The following SLAMF9 variants were observed in gnomAD, a reference collection of about 807,000 sequenced individuals.
The protein encoded by SLAMF9 is SLAM family member 9.
In SLAMF9, 25 loss-of-function variants were observed where a neutral mutation model predicts 30.4. The ratio of observed to expected loss-of-function variants is 0.82; its 90% confidence interval spans 0.60 to 1.15. SLAMF9 has a LOEUF of 1.15. Ranked by LOEUF, SLAMF9 falls within the 50% of genes most tolerant of loss-of-function variation. The pLI is 0.00. For synonymous variants in SLAMF9, 129 were observed against 127.2 expected (o/e 1.01, Z -0.09); for missense variants, 344 against 346.1 (o/e 0.99, Z 0.05).
At chr1:159,954,865 G>T (rs1471120178), upstream of SLAMF9, among the ~76,000 whole-genome samples, 3 of 152,240 alleles carry the variant, frequency 2.0e-5, no homozygotes, top group Non-Finnish European at 4.4e-5. Flanking sequence ...GATCACCTGA[G>T]GTCAGGAGTT....
upstream of SLAMF9, among the ~76,000 whole-genome samples, chr1:159,955,376 A>G (rs1454496505): frequency 6.6e-6 from 1 of 152,222 alleles, no homozygotes; most frequent in Non-Finnish European, 1.5e-5. Flanking sequence ...CTGCCATCAG[A>G]TGGATTCTCA....
At chr1:159,962,324 T>C in the SLAMF9 span, among the ~76,000 whole-genome samples, 1 of 151,910 alleles carries the variant, frequency 6.6e-6, no homozygotes. Flanking sequence ...ATAGACCTAC[T>C]GAGTTTATAA....
chr1:159,977,543 C>G, the SLAMF9 span, among the ~76,000 whole-genome samples: 1 of 152,214 alleles, frequency 6.6e-6, no homozygotes, highest in South Asian at 2.1e-4. Context: ...CCAGTGACAG[C>G]ATCCTTCAGC....
chr1:159,980,256 G>A, the SLAMF9 span, among the ~76,000 whole-genome samples: 1 of 152,076 alleles, frequency 6.6e-6, no homozygotes, highest in Non-Finnish European at 1.5e-5. Context: ...CTCCTGTCAG[G>A]GGGACTCGCC....
Position 159,952,445 on chromosome 1 carries a change from C to T in SLAMF9, c.481G>A (p.Ala161Thr), listed in dbSNP as rs767185948. 1 of 1,614,128 alleles carries T rather than the reference C, an allele frequency of 6.2e-7. No individual in the cohort carries two copies. The highest frequency in any genetic ancestry group is 1.1e-5 in the South Asian group (1 of 91,076). The change falls in exon 3 of 4, where the codon GCA becomes ACA. Residue 161 changes from alanine to threonine, a missense_variant. Physicochemically the swap from Ala to Thr is moderately conservative, Grantham distance 58. Transcript: ENST00000368093. ...SMSLVCSVEK[A>T]GMDMTYSWLS... The stretch of plus-strand genomic sequence containing the variant: ...CAGCTGTAGGTCATATCCATGCCTG[C>T]CTTCTCCACAGAGCACACCAGGGAC...
At chr1:159,976,086 AGTGTGTGTGTGTGTGT>A in the SLAMF9 span, among the ~76,000 whole-genome samples, 7 of 148,278 alleles carry the variant, frequency 4.7e-5, no homozygotes, top group African/African-American at 1.7e-4. Flanking sequence ...TATAGGTTGT[AGTGTGTGTGTGTGTGT>A]GTGTGTGTGT....
At chr1:159,968,823 G>A in the SLAMF9 span, among the ~76,000 whole-genome samples, 1 of 152,194 alleles carries the variant, frequency 6.6e-6, no homozygotes, top group African/African-American at 2.4e-5. Context: ...GGCCAAGGCA[G>A]GTGGATCACC....
Position 159,951,826 on chromosome 1 carries a change from G to C in SLAMF9, c.705C>G (p.Cys235Trp). 1 of 1,614,208 alleles carries C rather than the reference G, an allele frequency of 6.2e-7. No homozygotes were observed. The highest frequency in any genetic ancestry group is 1.1e-5 in the South Asian group (1 of 91,082). ...YASEKPSTAFCLLAKGLLIFL... is the reference protein window; with the variant it reads ...YASEKPSTAFWLLAKGLLIFL... ...AGATGAGCAATCCCTTGGCCAGGAG[G>C]CAGAAGGCTGTTGAAGGCTTCTCAG... is the stretch of plus-strand genomic sequence containing the variant. The change falls in exon 4 of 4, where the codon TGC becomes TGG. Residue 235 changes from cysteine to tryptophan, a missense_variant. Cys to Trp is a radical substitution (Grantham distance 215). Transcript: ENST00000368093.
the SLAMF9 span, chr1:159,972,601 C>A: frequency 6.3e-6 from 1 of 159,384 alleles, no homozygotes; most frequent in East Asian, 1.8e-4. Flanking sequence ...CTGTTCTCAG[C>A]CTTGCAGGAT....
upstream of SLAMF9, among the ~76,000 whole-genome samples, chr1:159,957,311 C>T (rs754160413): frequency 6.6e-6 from 1 of 151,544 alleles, no homozygotes; most frequent in African/African-American, 2.4e-5. Context: ...CAGTTAATAG[C>T]AATGTATTGT....
upstream of SLAMF9, among the ~76,000 whole-genome samples, chr1:159,957,657 T>C (rs904310179): frequency 3.9e-5 from 6 of 152,192 alleles, no homozygotes; most frequent in Admixed American, 1.3e-4. Flanking sequence ...ATTTTCAGTG[T>C]TCTTACCACA....
the SLAMF9 span, among the ~76,000 whole-genome samples, chr1:159,974,400 A>G: frequency 6.6e-6 from 1 of 152,018 alleles, no homozygotes; most frequent in Non-Finnish European, 1.5e-5. Context: ...AATCATCCCA[A>G]TTATGTAGCT....
At chr1:159,960,247 T>C in the SLAMF9 span, among the ~76,000 whole-genome samples, 250 of 143,966 alleles carry the variant, frequency 1.7e-3, no homozygotes, top group African/African-American at 6.1e-3. Context: ...TTCCCACCTA[T>C]GAGTGAGAAC....
chr1:159,976,625 C>A, the SLAMF9 span: 1 of 152,042 alleles, frequency 6.6e-6, no homozygotes. Flanking sequence ...ATATTCCAAT[C>A]TTCTTTATTT....
upstream of SLAMF9, among the ~76,000 whole-genome samples, chr1:159,954,713 T>A (rs1343026494): frequency 6.6e-6 from 1 of 152,232 alleles, no homozygotes; most frequent in African/African-American, 2.4e-5. Context: ...TAAGCCTTTT[T>A]ATTTAAAGCT....
intron 2 of SLAMF9, among the ~76,000 whole-genome samples, 188 bp from the exon 3 acceptor site, chr1:159,952,722 A>C (rs746136708): frequency 1.3e-5 from 2 of 152,182 alleles, no homozygotes; most frequent in Non-Finnish European, 2.9e-5. Flanking sequence ...GGCAACTGTC[A>C]AGGAAGACAG....
chr1:159,955,617 A>G (rs1256758284), upstream of SLAMF9, among the ~76,000 whole-genome samples: 2 of 152,256 alleles, frequency 1.3e-5, no homozygotes, highest in African/African-American at 2.4e-5. Flanking sequence ...GTGACCAAGA[A>G]TTTTAGATCG....
upstream of SLAMF9, among the ~76,000 whole-genome samples, chr1:159,955,949 T>G (rs572092071): frequency 6.6e-6 from 1 of 152,288 alleles, no homozygotes; most frequent in African/African-American, 2.4e-5. Flanking sequence ...AACGTTTTTA[T>G]GTAATAAATC....
chr1:159,982,354 T>C, the SLAMF9 span, among the ~76,000 whole-genome samples: 2 of 152,194 alleles, frequency 1.3e-5, no homozygotes, highest in African/African-American at 2.4e-5. Context: ...TCAAGGCCTG[T>C]GGACATATAA....
Sources: gnomAD v4.1 joint callset for allele counts (sites outside exome capture counted in the v4.1 genomes callset) on GRCh38, gnomAD v4.1.1 for gene constraint, MANE v1.5 for transcripts, NCBI Gene and HGNC (gene_info 2026-07-23, HGNC 2026-07-21) for gene names.